TEC: variants seen among roughly 807,000 people sequenced by gnomAD.
TEC encodes tec protein tyrosine kinase, also known as tyrosine-protein kinase Tec.
In TEC, 72 loss-of-function variants were observed where a neutral mutation model predicts 93.0. The ratio of observed to expected loss-of-function variants is 0.77; its 90% CI spans 0.64 to 0.94. The LOEUF (loss-of-function observed/expected upper bound fraction) is 0.94, where lower values mean the gene tolerates loss of function less well. Among genes scored for constraint, TEC ranks in the 40% least tolerant of loss-of-function variants. The pLI is 0.00. For missense variants in TEC, 630 were observed against 757.9 expected (o/e 0.83, Z 1.98); for synonymous variants, 249 against 247.7 (o/e 1.01, Z -0.05).
In TEC at chr4:48,167,954, C is replaced by T; in HGVS notation, c.496-1G>A. ...GTGGAATTGGTGGGGGAGGCCTTCG[C>T]TAGACAAGGAAGATAACATTTGAAA... is the stretch of plus-strand genomic sequence containing the variant. On this transcript the variant is annotated splice_acceptor_variant, in intron 6 of 17. Transcript: ENST00000381501. LOFTEE classifies it high-confidence loss of function. 6.2e-7 allele frequency: 1 copy of T among 1,613,442 alleles called. No homozygotes were observed. The highest frequency in any genetic ancestry group is 8.5e-7 in the Non-Finnish European group (1 of 1,179,676).
chr4:48,155,736 C>T (rs1010243561), intron 9 of TEC: 1 of 152,204 alleles, frequency 6.6e-6, no homozygotes, highest in Non-Finnish European at 1.5e-5. Flanking sequence ...GACTCTGGAA[C>T]TGTGTGAGTA....
At chr4:48,238,889 C>T (rs1346182728) in intron 1 of TEC, among the ~76,000 whole-genome samples, 1 of 152,008 alleles carries the variant, frequency 6.6e-6, no homozygotes, top group African/African-American at 2.4e-5. Context: ...GACTGGCAGA[C>T]TCAACTTCCC....
chr4:48,156,219 C>T (rs1179456624), intron 9 of TEC, among the ~76,000 whole-genome samples: 1 of 152,116 alleles, frequency 6.6e-6, no homozygotes, highest in African/African-American at 2.4e-5. Flanking sequence ...GTGATGTAAC[C>T]TTGAAGTGAA....
At chr4:48,180,897 C>T (rs548850291) in intron 2 of TEC, among the ~76,000 whole-genome samples, 5 of 152,012 alleles carry the variant, frequency 3.3e-5, no homozygotes, top group East Asian at 1.9e-4. Context: ...GGGCAACTGC[C>T]GTAATAGTTC....
intron 1 of TEC, among the ~76,000 whole-genome samples, chr4:48,251,447 C>T (rs1391306149): frequency 6.6e-6 from 1 of 152,190 alleles, no homozygotes; most frequent in Non-Finnish European, 1.5e-5. Flanking sequence ...GCCAGTTATT[C>T]TCACTATGTT....
chr4:48,157,213 G>A (rs1011643454), intron 8 of TEC, among the ~76,000 whole-genome samples: 7 of 152,168 alleles, frequency 4.6e-5, no homozygotes, highest in Non-Finnish European at 7.4e-5. Context: ...ATTATTGTCT[G>A]TAATTCAAAC....
chr4:48,235,501 T>A (rs900577357), intron 1 of TEC, among the ~76,000 whole-genome samples: 2 of 152,148 alleles, frequency 1.3e-5, no homozygotes, highest in Non-Finnish European at 2.9e-5. Context: ...AGGAAGAGAA[T>A]CCCATCTTCA....
At chr4:48,213,062 A>G (rs1221391652) in intron 2 of TEC, among the ~76,000 whole-genome samples, 1 of 152,274 alleles carries the variant, frequency 6.6e-6, no homozygotes, top group Non-Finnish European at 1.5e-5. Flanking sequence ...ATATTTTACA[A>G]TCTTATGAGT....
At chr4:48,168,299 A>C (rs1196921308) in intron 6 of TEC, among the ~76,000 whole-genome samples, 1 of 152,194 alleles carries the variant, frequency 6.6e-6, no homozygotes, top group Non-Finnish European at 1.5e-5. Flanking sequence ...ATATTTATCT[A>C]AATCCCACTC....
intron 1 of TEC, among the ~76,000 whole-genome samples, chr4:48,268,833 C>T (rs924613871): frequency 1.3e-5 from 2 of 152,176 alleles, no homozygotes; most frequent in African/African-American, 4.8e-5. Context: ...CCTGTTGTTC[C>T]AAGTTAACAT....
At chr4:48,223,561 A>G (rs1318371382) in intron 2 of TEC, among the ~76,000 whole-genome samples, 1 of 152,234 alleles carries the variant, frequency 6.6e-6, no homozygotes, top group African/African-American at 2.4e-5. Context: ...TTTGAGAAAT[A>G]AGAGAAATAA....
intron 14 of TEC, among the ~76,000 whole-genome samples, chr4:48,144,304 G>C (rs16861050): frequency 0.023 from 3,449 of 152,242 alleles, 146 homozygotes; most frequent in African/African-American, 0.08. Flanking sequence ...TAAAATATGG[G>C]AGAAAGTCCC....
intron 3 of TEC, among the ~76,000 whole-genome samples, chr4:48,174,230 T>C (rs1239349470): frequency 1.3e-5 from 2 of 152,166 alleles, no homozygotes; most frequent in East Asian, 3.9e-4. Context: ...GTATTATCAT[T>C]CTTAAAAGCA....
At chr4:48,254,011 C>T (rs1259883140) in intron 1 of TEC, among the ~76,000 whole-genome samples, 2 of 152,168 alleles carry the variant, frequency 1.3e-5, no homozygotes, top group African/African-American at 2.4e-5. Flanking sequence ...AAGGCTCCTC[C>T]CTCTTTATCC....
chr4:48,149,447 A>G, intron 11 of TEC, 110 bp downstream of exon 11: 1 of 1,120,090 alleles, frequency 8.9e-7, no homozygotes, highest in Non-Finnish European at 1.2e-6. Context: ...AATCAACCAC[A>G]TTCTACAATG....
intron 1 of TEC, among the ~76,000 whole-genome samples, chr4:48,264,715 C>G (rs1377168935): frequency 6.6e-6 from 1 of 151,376 alleles, no homozygotes; most frequent in Admixed American, 6.6e-5. Flanking sequence ...CGGCTCACTA[C>G]AACCTCAGCC....
intron 1 of TEC, among the ~76,000 whole-genome samples, chr4:48,255,853 C>T (rs1163241333): frequency 6.6e-6 from 1 of 152,086 alleles, no homozygotes; most frequent in Non-Finnish European, 1.5e-5. Flanking sequence ...ATTATCAGAA[C>T]AAAGGTACCA....
At chr4:48,181,740 CAG>C (rs769841435) in intron 2 of TEC, among the ~76,000 whole-genome samples, 1 of 151,368 alleles carries the variant, frequency 6.6e-6, no homozygotes, top group Non-Finnish European at 1.5e-5. Flanking sequence ...CCATAGGGAA[CAG>C]AGAGTTACTG....
intron 1 of TEC, among the ~76,000 whole-genome samples, chr4:48,247,092 GAC>G (rs1307050866): frequency 6.6e-6 from 1 of 151,944 alleles, no homozygotes; most frequent in Non-Finnish European, 1.5e-5. Flanking sequence ...GATTTGAATA[GAC>G]ATTTCTCCAA....
Sources: gnomAD v4.1 joint callset for allele counts (sites outside exome capture counted in the v4.1 genomes callset) on GRCh38, gnomAD v4.1.1 for gene constraint, MANE v1.5 for transcripts, NCBI Gene and HGNC (gene_info 2026-07-23, HGNC 2026-07-21) for gene names.